Variants in NELL1 observed in about 807,000 individuals in gnomAD.
NELL1 encodes the protein neural EGFL like 1.
Under a neutral mutation model 107.4 loss-of-function variants are expected in NELL1, and 76 were observed. The ratio of observed to expected loss-of-function variants is 0.71; its 90% CI spans 0.59 to 0.86. NELL1 has a LOEUF of 0.86. Among genes scored for constraint, NELL1 ranks in the 40% least tolerant of loss-of-function variants. NELL1 has a pLI of 0.00. For synonymous variants in NELL1, 353 were observed against 341.2 expected (o/e 1.03, Z -0.38); for missense variants, 1,024 against 1,005.5 (o/e 1.02, Z -0.25).
intron 13 of NELL1, among the ~76,000 whole-genome samples, chr11:21,210,764 G>A (rs1233148536): frequency 6.6e-6 from 1 of 152,100 alleles, no homozygotes; most frequent in Non-Finnish European, 1.5e-5. Context: ...AAATCACTGT[G>A]ATAAATAAAT....
intron 12 of NELL1, among the ~76,000 whole-genome samples, chr11:21,010,098 C>T (rs2134285528): frequency 6.6e-6 from 1 of 152,094 alleles, no homozygotes; most frequent in South Asian, 2.1e-4. Context: ...ACCACACAAA[C>T]ATTTTTCTCT....
chr11:21,552,775 C>T (rs1431686051), intron 16 of NELL1, among the ~76,000 whole-genome samples: 1 of 151,604 alleles, frequency 6.6e-6, no homozygotes, highest in African/African-American at 2.4e-5. Flanking sequence ...TCAAATAAAG[C>T]TTCATTAATT....
At chr11:21,130,283 C>T (rs1338111006) in intron 13 of NELL1, among the ~76,000 whole-genome samples, 1 of 152,084 alleles carries the variant, frequency 6.6e-6, no homozygotes, top group African/African-American at 2.4e-5. Context: ...CTCAGAGACT[C>T]CTTTCACAGA....
intron 12 of NELL1, among the ~76,000 whole-genome samples, chr11:20,976,056 A>ACG (rs1851624063): frequency 1.4e-5 from 2 of 145,824 alleles, no homozygotes; most frequent in Admixed American, 7.0e-5. Flanking sequence ...TTATATATAC[A>ACG]TATATCTGTA....
intron 15 of NELL1, among the ~76,000 whole-genome samples, chr11:21,489,394 A>AAAAAAAAAAC (rs1854736622): frequency 1.4e-5 from 2 of 146,828 alleles, no homozygotes; most frequent in Non-Finnish European, 3.0e-5. Flanking sequence ...AAAAAAAAAA[A>AAAAAAAAAAC]AAAAAAAAAA....
chr11:20,868,920 A>G (rs1849146764), intron 4 of NELL1, among the ~76,000 whole-genome samples: 1 of 152,214 alleles, frequency 6.6e-6, no homozygotes, highest in African/African-American at 2.4e-5. Context: ...TAGCATTTTC[A>G]AGAAAACTCG....
At chr11:21,208,307 G>A (rs961101223) in intron 13 of NELL1, among the ~76,000 whole-genome samples, 4 of 151,682 alleles carry the variant, frequency 2.6e-5, no homozygotes, top group African/African-American at 7.3e-5. Context: ...AAAATACATA[G>A]TATGCATAAC....
intron 15 of NELL1, among the ~76,000 whole-genome samples, chr11:21,377,759 G>T (rs1042272814): frequency 1.3e-5 from 2 of 151,980 alleles, no homozygotes; most frequent in Non-Finnish European, 2.9e-5. Context: ...CTCTGATTCA[G>T]TATTGGGAGA....
At chr11:21,309,710 G>T (rs958262835) in intron 14 of NELL1, among the ~76,000 whole-genome samples, 1 of 151,968 alleles carries the variant, frequency 6.6e-6, no homozygotes, top group Non-Finnish European at 1.5e-5. Flanking sequence ...AAGGCAAGGA[G>T]GAGTAAGTCA....
At chr11:21,475,068 A>G (rs942257995) in intron 15 of NELL1, among the ~76,000 whole-genome samples, 1 of 152,166 alleles carries the variant, frequency 6.6e-6, no homozygotes. Context: ...TGATATTTTC[A>G]TCAGCCTTAT....
At chr11:20,737,473 A>G (rs1184564127) in intron 2 of NELL1, among the ~76,000 whole-genome samples, 1 of 152,208 alleles carries the variant, frequency 6.6e-6, no homozygotes, top group African/African-American at 2.4e-5. Flanking sequence ...TGAATACATG[A>G]TAATGCTCAA....
At chr11:21,447,702 C>G (rs145078332) in intron 15 of NELL1, among the ~76,000 whole-genome samples, 79 of 152,266 alleles carry the variant, frequency 5.2e-4, no homozygotes, top group African/African-American at 1.8e-3. Flanking sequence ...AAGAAAACCC[C>G]TTAGCCACCC....
At chr11:21,429,717 C>A (rs192981598) in intron 15 of NELL1, among the ~76,000 whole-genome samples, 2 of 152,158 alleles carry the variant, frequency 1.3e-5, no homozygotes, top group African/African-American at 4.8e-5. Context: ...AAAGCCTTTA[C>A]ATATTTACAG....
intron 2 of NELL1, among the ~76,000 whole-genome samples, chr11:20,745,184 T>G (rs559249087): frequency 6.6e-6 from 1 of 152,356 alleles, no homozygotes; most frequent in Non-Finnish European, 1.5e-5. Context: ...TTCCAGTGCC[T>G]GGAACAGAAC....
At chr11:20,914,718 A>G (rs777673452) in intron 5 of NELL1, among the ~76,000 whole-genome samples, 8 of 151,994 alleles carry the variant, frequency 5.3e-5, no homozygotes, top group Non-Finnish European at 1.0e-4. Context: ...TTTGGTTTTC[A>G]AGAGTTAGTA....
intron 12 of NELL1, among the ~76,000 whole-genome samples, chr11:21,078,645 C>T (rs1217318430): frequency 6.6e-6 from 1 of 152,092 alleles, no homozygotes; most frequent in Non-Finnish European, 1.5e-5. Flanking sequence ...TACCAACATA[C>T]ACACAGAGAT....
chr11:20,976,938 GA>G (rs1851649069), intron 12 of NELL1, among the ~76,000 whole-genome samples: 1 of 151,430 alleles, frequency 6.6e-6, no homozygotes, highest in Admixed American at 6.6e-5. Context: ...ATAATTTACT[GA>G]ACCTGTGTGC....
At chr11:21,150,845 C>T (rs1235141212) in intron 13 of NELL1, among the ~76,000 whole-genome samples, 1 of 152,154 alleles carries the variant, frequency 6.6e-6, no homozygotes, top group African/African-American at 2.4e-5. Context: ...AATCAACTCA[C>T]ATTTCCACAG....
intron 2 of NELL1, among the ~76,000 whole-genome samples, chr11:20,727,773 A>C (rs906815388): frequency 1.3e-5 from 2 of 152,136 alleles, no homozygotes; most frequent in African/African-American, 2.4e-5. Context: ...TAATTTTTGT[A>C]TAAGGTGTAA....
Sources: allele counts gnomAD v4.1 joint callset (sites outside exome capture counted in the v4.1 genomes callset), GRCh38; gene constraint gnomAD v4.1.1; transcripts MANE v1.5; gene names NCBI Gene and HGNC (gene_info 2026-07-23, HGNC 2026-07-21).